The following PCDH15 variants were observed in gnomAD, a reference collection of about 807,000 sequenced individuals.
PCDH15 encodes the protein protocadherin-15.
Under a neutral mutation model 178.5 loss-of-function variants are expected in PCDH15, and 129 were observed. The observed-to-expected ratio is 0.72, with a 90% CI of 0.63 to 0.84. The LOEUF is 0.84. PCDH15 is among the 40% of genes least tolerant of loss of function. PCDH15 has a pLI of 0.00. For missense variants in PCDH15, 2,230 were observed against 2,099.9 expected, an observed-to-expected ratio of 1.06 and a Z score of -1.21; for synonymous variants, 800 against 732.0, an observed-to-expected ratio of 1.09 and a Z score of -1.50.
intron 3 of PCDH15, among the ~76,000 whole-genome samples, chr10:54,380,856 G>C (rs1949147445): frequency 6.7e-6 from 1 of 149,838 alleles, no homozygotes; most frequent in South Asian, 2.1e-4. Context: ...TATTAAAGTA[G>C]TGAAACAAAA....
chr10:54,320,294 C>A (rs752534966), intron 7 of PCDH15, among the ~76,000 whole-genome samples: 2 of 151,990 alleles, frequency 1.3e-5, no homozygotes, highest in Non-Finnish European at 2.9e-5. Context: ...CTATTTTAAT[C>A]TCCCCTTTGA....
chr10:53,890,532 C>CA (rs1304681722), intron 26 of PCDH15, among the ~76,000 whole-genome samples: 1 of 152,176 alleles, frequency 6.6e-6, no homozygotes, highest in East Asian at 1.9e-4. Context: ...GCCTCACTGA[C>CA]TTTTGTCCTT....
At chr10:54,241,181 T>C (rs1312400339) in intron 8 of PCDH15, among the ~76,000 whole-genome samples, 1 of 152,172 alleles carries the variant, frequency 6.6e-6, no homozygotes, top group Non-Finnish European at 1.5e-5. Flanking sequence ...AAAAAGGAGA[T>C]TGATTCAGTG....
chr10:54,111,629 G>C (rs951052404), intron 15 of PCDH15, among the ~76,000 whole-genome samples: 2 of 152,138 alleles, frequency 1.3e-5, no homozygotes, highest in Non-Finnish European at 1.5e-5. Flanking sequence ...TAGACTAACA[G>C]AGAACATGCA....
chr10:54,951,539 G>A (rs952913184), intron 2 of PCDH15, among the ~76,000 whole-genome samples: 1 of 151,878 alleles, frequency 6.6e-6, no homozygotes, highest in African/African-American at 2.4e-5. Flanking sequence ...GTGAATTTTG[G>A]TGTGGTTATT....
At chr10:54,717,683 C>T (rs1346249258) in intron 1 of PCDH15, among the ~76,000 whole-genome samples, 6 of 135,948 alleles carry the variant, frequency 4.4e-5, no homozygotes, top group Non-Finnish European at 9.5e-5. Flanking sequence ...CTAGTTCAAC[C>T]ATTGTGGAAG....
At chr10:54,911,071 G>T (rs746483099) in intron 2 of PCDH15, among the ~76,000 whole-genome samples, 1 of 152,366 alleles carries the variant, frequency 6.6e-6, no homozygotes, top group South Asian at 2.1e-4. Context: ...TGGAAAGGAT[G>T]AAGTGAAATA....
chr10:54,566,538 C>T (rs1450298201), intron 2 of PCDH15, among the ~76,000 whole-genome samples: 1 of 152,156 alleles, frequency 6.6e-6, no homozygotes, highest in Non-Finnish European at 1.5e-5. Context: ...GGTGTTTTCA[C>T]TTTCTCTATA....
At chr10:55,513,191 A>G (rs1338488149) in intron 2 of PCDH15, 2 of 152,166 alleles carry the variant, frequency 1.3e-5, no homozygotes, top group Non-Finnish European at 2.9e-5. Flanking sequence ...TGTAAGAAAC[A>G]GATGAAATAA....
chr10:54,148,966 A>C (rs930135177), intron 14 of PCDH15, among the ~76,000 whole-genome samples: 1 of 152,088 alleles, frequency 6.6e-6, no homozygotes, highest in African/African-American at 2.4e-5. Flanking sequence ...TTCTTATAAA[A>C]GAAAATTAAA....
At chr10:53,827,878 T>A (rs188301958) in intron 31 of PCDH15, among the ~76,000 whole-genome samples, 1 of 152,186 alleles carries the variant, frequency 6.6e-6, no homozygotes, top group African/African-American at 2.4e-5. Context: ...GTTTAATGAA[T>A]CTCTTTCATA....
intron 16 of PCDH15, among the ~76,000 whole-genome samples, chr10:54,088,695 A>G (rs7081653): frequency 0.021 from 3,152 of 152,276 alleles, 110 homozygotes; most frequent in African/African-American, 0.068. Context: ...ATTGCAATTT[A>G]TGATCCACTT....
intron 2 of PCDH15, among the ~76,000 whole-genome samples, chr10:54,924,597 T>C (rs1733789): frequency 0.25 from 24,164 of 96,088 alleles, 5,880 homozygotes; most frequent in Middle Eastern, 0.44. Flanking sequence ...ACAACCTCAT[T>C]AGCATCTGTT....
At chr10:54,571,317 A>T (rs1261900342) in intron 2 of PCDH15, among the ~76,000 whole-genome samples, 1 of 124,698 alleles carries the variant, frequency 8.0e-6, no homozygotes, top group African/African-American at 3.0e-5. Context: ...GAAGTACGAG[A>T]CAATAGACAA....
intron 3 of PCDH15, among the ~76,000 whole-genome samples, chr10:54,497,923 G>A (rs1156694824): frequency 1.3e-5 from 2 of 152,024 alleles, no homozygotes; most frequent in Middle Eastern, 3.4e-3. Context: ...CTTGCTAGAG[G>A]GGGTGACATG....
At chr10:54,827,615 GC>G (rs1257456422) in intron 3 of PCDH15, among the ~76,000 whole-genome samples, 9 of 152,070 alleles carry the variant, frequency 5.9e-5, no homozygotes, top group Admixed American at 1.3e-4. Flanking sequence ...TCCTTTGGGA[GC>G]AGAGTCCTGA....
intron 3 of PCDH15, among the ~76,000 whole-genome samples, chr10:54,516,611 AT>A (rs1223862090): frequency 6.6e-6 from 1 of 152,220 alleles, no homozygotes; most frequent in African/African-American, 2.4e-5. Flanking sequence ...GACGGGGAGA[AT>A]GGAACCAAGT....
At chr10:54,141,860 A>G (rs562448297) in intron 14 of PCDH15, among the ~76,000 whole-genome samples, 98 of 152,306 alleles carry the variant, frequency 6.4e-4, no homozygotes, top group African/African-American at 2.1e-3. Flanking sequence ...TAAATCTTAG[A>G]AATGTGTGAT....
At chr10:54,924,576 C>CT (rs1837569099) in intron 2 of PCDH15, among the ~76,000 whole-genome samples, 1 of 149,664 alleles carries the variant, frequency 6.7e-6, no homozygotes, top group Admixed American at 6.7e-5. Flanking sequence ...TATAAGTGTT[C>CT]TTTTTTCTCC....
Sources: allele counts gnomAD v4.1 joint callset (sites outside exome capture counted in the v4.1 genomes callset), GRCh38; gene constraint gnomAD v4.1.1; transcripts MANE v1.5; gene names NCBI Gene and HGNC (gene_info 2026-07-23, HGNC 2026-07-21).